The following FCRL2 variants were observed in gnomAD, a reference collection of about 807,000 sequenced individuals.
FCRL2 encodes Fc receptor-like protein 2.
A neutral mutation model predicts 59.8 loss-of-function variants in FCRL2; 48 were observed. The ratio of observed to expected loss-of-function variants is 0.80; its 90% CI spans 0.64 to 1.02. FCRL2 has a LOEUF of 1.02. Ranked by LOEUF, FCRL2 falls within the 50% of genes least tolerant of loss-of-function variation. FCRL2 has a pLI of 0.00. For synonymous variants in FCRL2, 251 were observed against 229.5 expected, an observed-to-expected ratio of 1.09 and a Z score of -0.85; for missense variants, 658 against 597.3, an observed-to-expected ratio of 1.10 and a Z score of -1.06.
intron 7 of FCRL2, among the ~76,000 whole-genome samples, chr1:157,764,998 T>A (rs1160793757): frequency 6.6e-6 from 1 of 151,168 alleles, no homozygotes; most frequent in African/African-American, 2.4e-5. Context: ...AAATAGAGAC[T>A]AAAAAAAATA....
chr1:157,769,509 G>A (rs1422482081), intron 4 of FCRL2: 1 of 194,666 alleles, frequency 5.1e-6, no homozygotes, highest in East Asian at 1.1e-4. Context: ...CTCACTGCAA[G>A]CTCCACCTCC....
In FCRL2 at chr1:157,746,896, T is replaced by A. The variant is rs1647789526; in HGVS notation, c.1463A>T (p.Asn488Ile). The A allele has an allele frequency of 2.5e-6, 4 of 1,613,570 alleles. No individual in the cohort carries two copies. The highest frequency in any genetic ancestry group is 3.4e-6 in the Non-Finnish European group (4 of 1,179,996). Residue 488 changes from asparagine (N) to isoleucine (I), a missense_variant, in exon 11 of 12, where the codon AAC (asparagine) becomes ATC (isoleucine). By Grantham distance (149) the Asn-to-Ile change is moderately radical. Coordinates refer to ENST00000361516, the MANE Select transcript of FCRL2 (RefSeq NM_030764.4). ...WSMQQPESSA[N>I]IRTLLENKDS... ...CTTGTTCTCCAGAAGTGTCCTGATG[T>A]TTGCTGTTAAGGAAAAAGTAATAGT...
In FCRL2 at chr1:157,748,902, C is replaced by G; in HGVS notation, c.1366G>C (p.Glu456Gln). Residue 456 changes from glutamate to glutamine, a missense_variant, in exon 9 of 12, where the codon GAG (glutamate) becomes CAG (glutamine). Transcript: ENST00000361516. ...TTGACATACACTGGCTGCAGCTCCT[C>G]CATGTCTGGGGTTGGGCTTGAATAG... ...FTYSSPTPDM[E>Q]ELQPVYVNVG... is the part of the protein sequence containing the mutation. 6.2e-7 allele frequency: 1 copy of G among 1,613,946 alleles called. No homozygotes were observed. Among genetic ancestry groups the G allele is most frequent in the Non-Finnish European group, 8.5e-7 (1 of 1,179,936 alleles).
At position 157,767,430 on chromosome 1, in the gene FCRL2, A is replaced by ACTCCAGCAGGAG; in HGVS notation, c.962_963insCTCCTGCTGGAG (p.Cys321_Glu322insSerCysTrpSer). On this transcript the variant is annotated inframe_insertion, in exon 6 of 12. Transcript: ENST00000361516. ...TTGGGGGAGAGCCTCTCAGGGCCTC[A>ACTCCAGCAGGAG]CAGTGAAGCTCCAGCAGGTCCCCCA... 6.2e-7 allele frequency: 1 copy of ACTCCAGCAGGAG among 1,614,212 alleles called. No individual in the cohort carries two copies. The highest frequency in any genetic ancestry group is 1.6e-4 in the Middle Eastern group (1 of 6,062).
intron 2 of FCRL2, among the ~76,000 whole-genome samples, chr1:157,773,558 A>G (rs931378270): frequency 5.3e-5 from 8 of 152,228 alleles, no homozygotes; most frequent in Non-Finnish European, 1.0e-4. Context: ...GTTGGTTCAT[A>G]GTTTCATATC....
chr1:157,767,997 C>A (rs1320689319), intron 5 of FCRL2: 9 of 245,514 alleles, frequency 3.7e-5, no homozygotes, highest in Non-Finnish European at 6.2e-5. Context: ...CAGTAAATCA[C>A]CAATAACATG....
chr1:157,755,768 G>A (rs1648541117), intron 7 of FCRL2, among the ~76,000 whole-genome samples: 1 of 152,158 alleles, frequency 6.6e-6, no homozygotes, highest in Admixed American at 6.5e-5. Flanking sequence ...GTAGCACATA[G>A]TATGTTATTA....
At chr1:157,755,340 A>T (rs1279622119) in intron 7 of FCRL2, among the ~76,000 whole-genome samples, 1 of 152,184 alleles carries the variant, frequency 6.6e-6, no homozygotes, top group Non-Finnish European at 1.5e-5. Flanking sequence ...TCAATTGAGA[A>T]ACAGGCAAAA....
chr1:157,768,094 C>G, intron 5 of FCRL2: 1 of 271,906 alleles, frequency 3.7e-6, no homozygotes, highest in Non-Finnish European at 6.9e-6. Flanking sequence ...ATGAAGCAGG[C>G]TGTTACCACT....
chr1:157,752,184 A>G (rs1648243997), intron 7 of FCRL2, among the ~76,000 whole-genome samples: 1 of 152,152 alleles, frequency 6.6e-6, no homozygotes, highest in Non-Finnish European at 1.5e-5. Context: ...CTGTGTCCCC[A>G]CCCAAATCTC....
At position 157,770,511 on chromosome 1, in the gene FCRL2, G is replaced by T. The variant is rs1649920461; in HGVS notation, c.208C>A (p.Gln70Lys). Reference protein sequence around the residue: ...VFKKFSDFLIQSAVLSDSGNY... With the variant: ...VFKKFSDFLIKSAVLSDSGNY... ...CCACTGTCACTTAAAACTGCACTTT[G>T]GATAAGGAAATCTGAGAATTTTTTG... The change falls in exon 3 of 12, where the codon CAA (glutamine) becomes AAA (lysine). Residue 70 changes from glutamine (Q) to lysine (K), a missense_variant. By Grantham distance (53) the Gln-to-Lys change is moderately conservative. Coordinates refer to ENST00000361516, the MANE Select transcript of FCRL2 (RefSeq NM_030764.4). 9.3e-6 allele frequency: 15 copies of T among 1,614,010 alleles called. No individual in the cohort carries two copies. The highest frequency in any genetic ancestry group is 1.3e-5 in the African/African-American group (1 of 74,910).
rs1303160432 is a variant in FCRL2, at chr1:157,767,237, T to C, written c.1156A>G (p.Ile386Val). The change falls in exon 6 of 12, where the codon ATC becomes GTC. Residue 386 changes from isoleucine to valine, a missense_variant. Ile to Val is a conservative substitution (Grantham distance 29). Coordinates refer to ENST00000361516, the MANE Select transcript of FCRL2 (RefSeq NM_030764.4). ...AQCSEAVPVS[I>V]SGPDGYRRDL... ...CCAGGTAACACCCACCCACCTGAGA[T>C]GGAGACTGGCACTGCCTCACTGCAC... The C allele has an allele frequency of 1.2e-6, 2 of 1,611,772 alleles. No individual in the cohort carries two copies. The highest frequency in any genetic ancestry group is 1.7e-6 in the Non-Finnish European group (2 of 1,178,874).
At chr1:157,753,227 G>T (rs1384266512) in intron 7 of FCRL2, among the ~76,000 whole-genome samples, 7 of 152,110 alleles carry the variant, frequency 4.6e-5, no homozygotes, top group Admixed American at 2.6e-4. Flanking sequence ...ATTAAACTCA[G>T]TCCTGATACT....
intron 10 of FCRL2, among the ~76,000 whole-genome samples, chr1:157,747,627 C>A (rs1647851110): frequency 6.6e-6 from 1 of 152,194 alleles, no homozygotes; most frequent in South Asian, 2.1e-4. Context: ...AAGCTGTCAA[C>A]AGCCACTGGC....
At chr1:157,762,266 C>G (rs1035269427) in intron 7 of FCRL2, among the ~76,000 whole-genome samples, 1 of 152,184 alleles carries the variant, frequency 6.6e-6, no homozygotes. Context: ...CCTATCACAG[C>G]CACTACCAAC....
chr1:157,769,962 C>G lies in FCRL2; in HGVS notation c.499G>C (p.Val167Leu). Residue 167 changes from valine (V) to leucine (L), a missense_variant, in exon 4 of 12, where the codon GTG becomes CTG. Coordinates refer to ENST00000361516, the MANE Select transcript of FCRL2 (RefSeq NM_030764.4). ...TAAGACCCTGTGTCTTCACTCCACA[C>G]GGCAGAAATCTGGAGCTCCGGAGAG... ...SSSPELQISA[V>L]WSEDTGSYWC... The G allele has an allele frequency of 6.2e-7, 1 of 1,614,182 alleles. No individual in the cohort carries two copies.
intron 8 of FCRL2, 67 bp from the exon 9 acceptor site, chr1:157,749,027 G>C (rs1267687344): frequency 2.9e-6 from 4 of 1,384,224 alleles, no homozygotes; most frequent in Non-Finnish European, 4.1e-6. Flanking sequence ...GGGGAGACTG[G>C]CTGAGGAGAG....
chr1:157,748,486 T>C, intron 10 of FCRL2, 67 bp downstream of exon 10: 1 of 803,426 alleles, frequency 1.2e-6, no homozygotes, highest in East Asian at 2.7e-5. Context: ...ATAAAGCCTC[T>C]ATTGCAAACA....
intron 7 of FCRL2, among the ~76,000 whole-genome samples, chr1:157,751,015 T>C (rs1409535089): frequency 6.6e-6 from 1 of 152,210 alleles, no homozygotes; most frequent in Non-Finnish European, 1.5e-5. Context: ...GACATATGTC[T>C]ATAATTTGTC....
Sources: allele counts gnomAD v4.1 joint callset (sites outside exome capture counted in the v4.1 genomes callset), GRCh38; gene constraint gnomAD v4.1.1; transcripts MANE v1.5; gene names NCBI Gene and HGNC (gene_info 2026-07-23, HGNC 2026-07-21).